The following PTPRD variants were observed in gnomAD, a reference collection of about 807,000 sequenced individuals.
PTPRD encodes receptor-type tyrosine-protein phosphatase delta.
A neutral mutation model predicts 214.5 loss-of-function variants in PTPRD; 34 were observed. That is an observed-to-expected ratio of 0.16 (90% CI 0.12 to 0.21). The LOEUF is 0.21. Ranked by LOEUF, PTPRD falls within the 10% of genes least tolerant of loss-of-function variation. The probability of loss-of-function intolerance (pLI) is 1.00; values close to 1 mark genes in which losing one functional copy is unlikely to be tolerated. For missense variants in PTPRD, 2,545 were observed against 2,398.7 expected (o/e 1.06, Z -1.27); for synonymous variants, 1,128 against 845.7 (o/e 1.33, Z -5.79).
intron 10 of PTPRD, among the ~76,000 whole-genome samples, chr9:9,055,415 C>T (rs539423383): frequency 2.1e-4 from 32 of 152,234 alleles, no homozygotes; most frequent in African/African-American, 7.7e-4. Context: ...TCAGTACATA[C>T]ATCTTTGCCA....
In PTPRD at chr9:9,777,660, GC is replaced by G. The variant is rs541639022; in HGVS notation, c.-367-10810del. ...TCCAGTGAGCCATCATCACATCACT[GC>G]ACTGTAGTGTGCGCAACAGAGTGAG... is the stretch of plus-strand genomic sequence containing the variant. On this transcript the variant is annotated intron_variant, in intron 5 of 45. Transcript: ENST00000381196. Among the ~76,000 whole-genome samples, 10 of 152,184 alleles carry G rather than the reference GC, an allele frequency of 6.6e-5. 1 individual carries two copies. The South Asian group carries it at 1.7e-3, about 25-fold the overall frequency.
At chr9:8,891,433 A>G (rs1340941523) in intron 11 of PTPRD, among the ~76,000 whole-genome samples, 2 of 145,926 alleles carry the variant, frequency 1.4e-5, no homozygotes, top group African/African-American at 5.3e-5. Flanking sequence ...TGCCTGGTCA[A>G]TCTAATTTTT....
chr9:9,369,896 G>A (rs549957104), intron 9 of PTPRD, among the ~76,000 whole-genome samples: 1 of 152,180 alleles, frequency 6.6e-6, no homozygotes, highest in Non-Finnish European at 1.5e-5. Flanking sequence ...GTTTTTGTCA[G>A]GTTTGTCAAA....
intron 8 of PTPRD, among the ~76,000 whole-genome samples, chr9:9,456,680 C>T (rs767820491): frequency 1.3e-5 from 2 of 151,878 alleles, no homozygotes; most frequent in East Asian, 1.9e-4. Flanking sequence ...TCATACATAT[C>T]TGTATTTTTT....
chr9:8,802,539 C>G (rs1248675173), intron 11 of PTPRD, among the ~76,000 whole-genome samples: 1 of 152,188 alleles, frequency 6.6e-6, no homozygotes, highest in Non-Finnish European at 1.5e-5. Context: ...TAAGGGAAAT[C>G]TGGATTTTCC....
chr9:8,484,695 AG>A (rs577096262), intron 29 of PTPRD, among the ~76,000 whole-genome samples: 1 of 138,618 alleles, frequency 7.2e-6, no homozygotes, highest in African/African-American at 2.8e-5. Context: ...TGTGCAGAAA[AG>A]CTCTACGTTT....
In PTPRD at chr9:8,316,462, T is replaced by C; in HGVS notation, c.*1412A>G. 4.3e-6 allele frequency: 1 copy of C among 230,702 alleles called. No individual in the cohort carries two copies. Among genetic ancestry groups the C allele is most frequent in the East Asian group, 6.1e-5 (1 of 16,300 alleles). The allele number at this position is 230,702 out of a possible 1,614,324, so 14.3% of individuals were successfully genotyped here. ...AACATGAATTTGGCTTTGCCCCTGT[T>C]ACATATCATAAATGCAAATTTCATA... On this transcript the variant is annotated 3_prime_UTR_variant, in exon 46 of 46. Transcript: ENST00000381196.
chr9:9,508,523 C>T (rs373568343), intron 8 of PTPRD, among the ~76,000 whole-genome samples: 3 of 151,340 alleles, frequency 2.0e-5, no homozygotes, highest in East Asian at 3.9e-4. Flanking sequence ...ATCTACTTTC[C>T]GAGCTTGCTA....
intron 14 of PTPRD, among the ~76,000 whole-genome samples, chr9:8,540,372 T>C (rs1431847361): frequency 6.6e-6 from 1 of 151,964 alleles, no homozygotes; most frequent in Non-Finnish European, 1.5e-5. Context: ...ATGATGACAA[T>C]ATCTGAAAAA....
At chr9:9,690,384 T>C (rs1401244263) in intron 7 of PTPRD, among the ~76,000 whole-genome samples, 3 of 151,928 alleles carry the variant, frequency 2.0e-5, no homozygotes, top group Admixed American at 6.6e-5. Flanking sequence ...GATTATTAGT[T>C]CCTTGTCAGA....
intron 3 of PTPRD, among the ~76,000 whole-genome samples, chr9:10,274,454 T>G (rs899039844): frequency 2.0e-5 from 3 of 152,170 alleles, no homozygotes; most frequent in African/African-American, 7.2e-5. Context: ...TTAGTGCATA[T>G]AAATTCTTCG....
chr9:8,922,204 C>T (rs2098832554), intron 11 of PTPRD, among the ~76,000 whole-genome samples: 1 of 151,872 alleles, frequency 6.6e-6, no homozygotes, highest in Non-Finnish European at 1.5e-5. Context: ...TTTTTTTTCT[C>T]TATTAAGTCC....
chr9:9,880,478 T>G (rs2068314351), intron 5 of PTPRD, among the ~76,000 whole-genome samples: 1 of 152,232 alleles, frequency 6.6e-6, no homozygotes, highest in East Asian at 1.9e-4. Flanking sequence ...TGTGTATAAT[T>G]CTAAACAGTA....
intron 3 of PTPRD, among the ~76,000 whole-genome samples, chr9:10,266,831 C>T (rs941339228): frequency 2.6e-5 from 4 of 152,134 alleles, no homozygotes; most frequent in Non-Finnish European, 5.9e-5. Context: ...TAAGAACATT[C>T]TGGAAGTTGT....
chr9:9,357,600 G>A (rs1043005751), intron 9 of PTPRD, among the ~76,000 whole-genome samples: 30 of 151,020 alleles, frequency 2.0e-4, no homozygotes, highest in African/African-American at 6.6e-4. Context: ...AGCAGTGTGA[G>A]GTAGCAAGTG....
chr9:9,982,489 T>G (rs1369684536), intron 4 of PTPRD, among the ~76,000 whole-genome samples: 3 of 143,268 alleles, frequency 2.1e-5, no homozygotes, highest in Non-Finnish European at 4.5e-5. Context: ...TGTGTGTGTG[T>G]GTGTGTGTGT....
At chr9:9,261,122 A>G (rs2099979933) in intron 9 of PTPRD, among the ~76,000 whole-genome samples, 1 of 151,840 alleles carries the variant, frequency 6.6e-6, no homozygotes, top group Non-Finnish European at 1.5e-5. Context: ...ACCACCAACA[A>G]GGATGCAATC....
intron 12 of PTPRD, among the ~76,000 whole-genome samples, chr9:8,707,541 A>T (rs2098235733): frequency 6.6e-6 from 1 of 152,254 alleles, no homozygotes; most frequent in Non-Finnish European, 1.5e-5. Context: ...ATGGGCTAAG[A>T]AATTCATATA....
intron 9 of PTPRD, among the ~76,000 whole-genome samples, chr9:9,235,326 T>C (rs2099965891): frequency 6.6e-6 from 1 of 152,128 alleles, no homozygotes; most frequent in Non-Finnish European, 1.5e-5. Context: ...AGATGAGATT[T>C]GGGTGGGGAC....
Sources: allele counts gnomAD v4.1 joint callset (sites outside exome capture counted in the v4.1 genomes callset), GRCh38; gene constraint gnomAD v4.1.1; transcripts MANE v1.5; gene names NCBI Gene and HGNC (gene_info 2026-07-23, HGNC 2026-07-21).